The following VWA3B variants were observed in gnomAD, a reference collection of about 807,000 sequenced individuals.
VWA3B encodes the protein von Willebrand factor A domain-containing protein 3B.
Under a neutral mutation model 158.3 loss-of-function variants are expected in VWA3B, and 138 were observed. That is an observed-to-expected ratio of 0.87 (90% CI 0.76 to 1.00). VWA3B has a LOEUF of 1.00. VWA3B is among the 50% of genes least tolerant of loss of function. The pLI is 0.00. For missense variants in VWA3B, 1,555 were observed against 1,565.1 expected (o/e 0.99, Z 0.11); for synonymous variants, 596 against 587.3 (o/e 1.01, Z -0.21).
chr2:98,328,645 C>T, the VWA3B span, among the ~76,000 whole-genome samples: 7 of 151,994 alleles, frequency 4.6e-5, no homozygotes, highest in African/African-American at 1.7e-4. Context: ...CAAAGAAGAA[C>T]CTCTACCTTG....
At chr2:98,135,000 T>C (rs995674162) in intron 7 of VWA3B, among the ~76,000 whole-genome samples, 1 of 152,044 alleles carries the variant, frequency 6.6e-6, no homozygotes, top group Non-Finnish European at 1.5e-5. Context: ...GAAGGGGACA[T>C]CTCCAGAGAA....
chr2:98,246,632 T>A lies in VWA3B; in HGVS notation c.2674-3686T>A, dbSNP rs968733745. On this transcript the variant is annotated intron_variant, in intron 19 of 27. Transcript: ENST00000477737. Reference sequence around the variant, plus strand: ...CCTGACCTCAGGTGATCTGCCCGCCTCGGCCTCCCAGAGTGCTGGGATTAC... The same window carrying A: ...CCTGACCTCAGGTGATCTGCCCGCCACGGCCTCCCAGAGTGCTGGGATTAC... 5.9e-5 allele frequency among the ~76,000 whole-genome samples: 9 copies of A among 152,064 alleles called. 1 individual carries two copies. Among genetic ancestry groups the A allele is most frequent in the Admixed American group, 4.6e-4 (7 of 15,266 alleles).
downstream of VWA3B, among the ~76,000 whole-genome samples, chr2:98,314,943 G>A (rs888698741): frequency 4.0e-5 from 6 of 149,756 alleles, no homozygotes; most frequent in Non-Finnish European, 7.4e-5. Flanking sequence ...CAAAAGAATC[G>A]CTTGAACCCA....
intron 1 of VWA3B, among the ~76,000 whole-genome samples, chr2:98,090,512 C>T (rs369438280): frequency 1.3e-5 from 2 of 152,134 alleles, no homozygotes; most frequent in East Asian, 1.9e-4. Context: ...GTATTACTAT[C>T]CTAGAGAGGT....
chr2:98,260,213 T>C (rs1411052130), intron 21 of VWA3B, among the ~76,000 whole-genome samples: 1 of 151,736 alleles, frequency 6.6e-6, no homozygotes, highest in East Asian at 1.9e-4. Context: ...TGGGGTGTTT[T>C]GGATATGTTT....
intron 9 of VWA3B, among the ~76,000 whole-genome samples, chr2:98,187,565 C>T (rs1327336650): frequency 6.6e-6 from 1 of 151,998 alleles, no homozygotes; most frequent in African/African-American, 2.4e-5. Context: ...CAGGACTTTC[C>T]AGGTCCTTAC....
At chr2:98,224,753 TAAA>T (rs35784294) in intron 14 of VWA3B, among the ~76,000 whole-genome samples, 2 of 146,294 alleles carry the variant, frequency 1.4e-5, no homozygotes, top group Admixed American at 6.8e-5. Flanking sequence ...CAGTGTGAAT[TAAA>T]AAAAAAAAAA....
chr2:98,241,790 G>A (rs147349009), intron 19 of VWA3B, among the ~76,000 whole-genome samples: 2 of 152,124 alleles, frequency 1.3e-5, no homozygotes, highest in East Asian at 1.9e-4. Flanking sequence ...CAGCCTGCAC[G>A]TAGGTAGGCA....
At chr2:98,164,890 G>T (rs1304031976) in intron 8 of VWA3B, among the ~76,000 whole-genome samples, 1 of 152,134 alleles carries the variant, frequency 6.6e-6, no homozygotes, top group African/African-American at 2.4e-5. Context: ...ACATGAGTTT[G>T]GGGGTGAGAA....
At position 98,251,893 on chromosome 2, in the gene VWA3B, T is replaced by A. The variant is rs375986648; in HGVS notation, c.2792+1457T>A. The stretch of plus-strand genomic sequence containing the variant: ...AGGCTCCTCAGCAGCCTCTGTGGGC[T>A]CCTCAGTATTTCTGAATCTTTACCT... On this transcript the variant is annotated intron_variant, in intron 20 of 27. Coordinates refer to ENST00000477737, the MANE Select transcript of VWA3B (RefSeq NM_144992.5). Among the ~76,000 whole-genome samples the A allele has an allele frequency of 3.3e-5, 5 of 152,244 alleles. No homozygotes were observed. In the East Asian group the frequency reaches 9.7e-4, roughly 29 times the overall value.
intron 13 of VWA3B, chr2:98,212,272 G>C (rs917122950): frequency 2.9e-5 from 10 of 344,278 alleles, no homozygotes; most frequent in Non-Finnish European, 4.3e-5. Flanking sequence ...CCCTAGCCTG[G>C]AGACCAGCCC....
chr2:98,293,753 A>G (rs976951392), intron 23 of VWA3B, among the ~76,000 whole-genome samples: 1 of 152,192 alleles, frequency 6.6e-6, no homozygotes, highest in African/African-American at 2.4e-5. Context: ...TAATATAACC[A>G]CAATAAAGGT....
rs573851801 is a variant in VWA3B, at chr2:98,121,420, C to T, written c.664C>T (p.Arg222Cys). 9.9e-5 allele frequency: 160 copies of T among 1,614,128 alleles called. 2 individuals are homozygous for T. The highest frequency in any genetic ancestry group is 9.0e-4 in the South Asian group (82 of 91,082). ...TGAGCTGACTGTGAGCGAGGCTGGC[C>T]GCCTGGATGCTCTGCTGGAAGCCGG... ...TVELTVSEAG[R>C]LDALLEAGRD... The change falls in exon 5 of 28, where the codon CGC becomes TGC. Residue 222 changes from arginine to cysteine, a missense_variant. Arg to Cys is a radical substitution (Grantham distance 180, BLOSUM62 -3). Coordinates refer to ENST00000477737, the MANE Select transcript of VWA3B (RefSeq NM_144992.5).
intron 13 of VWA3B, among the ~76,000 whole-genome samples, chr2:98,216,139 T>C (rs1020802393): frequency 6.6e-6 from 1 of 152,258 alleles, no homozygotes; most frequent in Non-Finnish European, 1.5e-5. Flanking sequence ...TCCTGCCTGA[T>C]TATTAAATGT....
chr2:98,187,664 C>CTGTGTGTGTGTGTGTG (rs3066239), intron 9 of VWA3B, among the ~76,000 whole-genome samples: 2 of 141,694 alleles, frequency 1.4e-5, no homozygotes, highest in African/African-American at 5.4e-5. Context: ...GTCTCTGTGT[C>CTGTGTGTGTGTGTGTG]TGTGTGTGTG....
Position 98,126,754 on chromosome 2 carries a change from T to C in VWA3B, c.703-1485T>C, listed in dbSNP as rs541280245. Among the ~76,000 whole-genome samples the C allele has an allele frequency of 1.6e-3, 246 of 152,336 alleles. 1 individual carries two copies. Among genetic ancestry groups the C allele is most frequent in the African/African-American group, 5.1e-3 (212 of 41,580 alleles). On this transcript the variant is annotated intron_variant, in intron 5 of 27. Coordinates refer to ENST00000477737, the MANE Select transcript of VWA3B (RefSeq NM_144992.5). ...TACTTTTTAGAATCAGGAGCTGGCG[T>C]TGAAAGGCCTGAGAGAAAGAGGCCT...
chr2:98,104,591 A>G (rs1237187118), intron 2 of VWA3B, among the ~76,000 whole-genome samples: 2 of 152,182 alleles, frequency 1.3e-5, no homozygotes, highest in African/African-American at 2.4e-5. Context: ...TTTCAACACT[A>G]GGTTTAGAGG....
chr2:98,324,671 T>C, the VWA3B span, among the ~76,000 whole-genome samples: 1 of 152,176 alleles, frequency 6.6e-6, no homozygotes, highest in Middle Eastern at 3.2e-3. Flanking sequence ...TTATAAAGTA[T>C]GGGTTAAAAT....
intron 2 of VWA3B, among the ~76,000 whole-genome samples, chr2:98,095,970 C>T (rs1682680502): frequency 6.6e-6 from 1 of 152,012 alleles, no homozygotes; most frequent in African/African-American, 2.4e-5. Flanking sequence ...AGGATGAATC[C>T]CACTTGATAA....
Sources: allele counts gnomAD v4.1 joint callset (sites outside exome capture counted in the v4.1 genomes callset), GRCh38; gene constraint gnomAD v4.1.1; transcripts MANE v1.5; gene names NCBI Gene and HGNC (gene_info 2026-07-23, HGNC 2026-07-21).